Variants in DLG2 observed in about 807,000 individuals in gnomAD.
The protein encoded by DLG2 is disks large homolog 2.
Under a neutral mutation model 132.5 loss-of-function variants are expected in DLG2, and 45 were observed. The observed-to-expected ratio is 0.34, with a 90% CI of 0.27 to 0.44. The LOEUF (loss-of-function observed/expected upper bound fraction) is 0.44, where lower values mean the gene tolerates loss of function less well. Among genes scored for constraint, DLG2 ranks in the 20% least tolerant of loss-of-function variants. The probability of loss-of-function intolerance (pLI) is 1.00; values close to 1 mark genes in which losing one functional copy is unlikely to be tolerated. For synonymous variants in DLG2, 424 were observed against 419.6 expected, an observed-to-expected ratio of 1.01 and a Z score of -0.13; for missense variants, 1,045 against 1,196.9, an observed-to-expected ratio of 0.87 and a Z score of 1.87.
At chr11:84,926,591 G>A (rs2092986843) in intron 6 of DLG2, among the ~76,000 whole-genome samples, 1 of 151,890 alleles carries the variant, frequency 6.6e-6, no homozygotes, top group Admixed American at 6.6e-5. Flanking sequence ...GAGGTGTGGG[G>A]TGTGGGTGTG....
chr11:85,409,263 G>A (rs903143350), intron 3 of DLG2, among the ~76,000 whole-genome samples: 5 of 151,834 alleles, frequency 3.3e-5, no homozygotes, highest in African/African-American at 1.2e-4. Flanking sequence ...GAAAGCTTCA[G>A]GCCTTCTGAG....
At chr11:85,291,324 A>G (rs1170429171) in intron 3 of DLG2, among the ~76,000 whole-genome samples, 2 of 152,136 alleles carry the variant, frequency 1.3e-5, no homozygotes, top group East Asian at 3.9e-4. Flanking sequence ...TAACATCTTT[A>G]CATACTTTTT....
At chr11:83,707,607 G>C (rs1356256941) in intron 18 of DLG2, among the ~76,000 whole-genome samples, 1 of 152,218 alleles carries the variant, frequency 6.6e-6, no homozygotes, top group Non-Finnish European at 1.5e-5. Context: ...GGAGGCAGAG[G>C]TTGCAGTGAG....
chr11:84,332,199 T>C (rs2098463035), intron 7 of DLG2, among the ~76,000 whole-genome samples: 1 of 149,750 alleles, frequency 6.7e-6, no homozygotes, highest in East Asian at 1.9e-4. Flanking sequence ...ACCGCTTTGC[T>C]TGTCCTTTTT....
At chr11:84,301,183 G>A (rs368075781) in intron 7 of DLG2, among the ~76,000 whole-genome samples, 1 of 152,076 alleles carries the variant, frequency 6.6e-6, no homozygotes, top group Non-Finnish European at 1.5e-5. Flanking sequence ...TTAAAGAAAG[G>A]TAACCTACAT....
chr11:85,053,632 C>CAAAAAAAAAAAA (rs574119257), intron 6 of DLG2, among the ~76,000 whole-genome samples: 3 of 91,168 alleles, frequency 3.3e-5, no homozygotes, highest in African/African-American at 9.4e-5. Flanking sequence ...ACTAAAAATA[C>CAAAAAAAAAAAA]AAAAAAAAAA....
chr11:85,579,644 C>A (rs1196683204), intron 3 of DLG2, among the ~76,000 whole-genome samples: 1 of 152,114 alleles, frequency 6.6e-6, no homozygotes, highest in Non-Finnish European at 1.5e-5. Context: ...TATGGGGTAG[C>A]TTCAGGAGAA....
At chr11:84,498,890 T>C (rs1044762123) in intron 7 of DLG2, among the ~76,000 whole-genome samples, 3 of 152,000 alleles carry the variant, frequency 2.0e-5, no homozygotes, top group African/African-American at 7.3e-5. Context: ...GAGACTGGGG[T>C]TGGATGCAGG....
At chr11:84,770,252 C>G (rs1466238228) in intron 6 of DLG2, among the ~76,000 whole-genome samples, 1 of 152,192 alleles carries the variant, frequency 6.6e-6, no homozygotes, top group Non-Finnish European at 1.5e-5. Flanking sequence ...TGAGCAGATG[C>G]TGGTGTCATG....
chr11:85,177,229 GAATA>G (rs2079332740), intron 4 of DLG2, among the ~76,000 whole-genome samples: 2 of 150,520 alleles, frequency 1.3e-5, no homozygotes, highest in African/African-American at 2.4e-5. Context: ...ATGATAGACT[GAATA>G]AAGAAAATGT....
At chr11:84,883,009 C>T (rs1242201768) in intron 6 of DLG2, among the ~76,000 whole-genome samples, 7 of 152,182 alleles carry the variant, frequency 4.6e-5, no homozygotes, top group South Asian at 2.1e-4. Flanking sequence ...CACATGCACA[C>T]GTATGTTTAC....
intron 7 of DLG2, among the ~76,000 whole-genome samples, chr11:84,345,002 C>T (rs1283343719): frequency 6.6e-6 from 1 of 152,096 alleles, no homozygotes; most frequent in Non-Finnish European, 1.5e-5. Flanking sequence ...ACTTTTTAAT[C>T]CTTTGCAATG....
intron 3 of DLG2, among the ~76,000 whole-genome samples, chr11:85,538,440 C>CGG (rs1186327727): frequency 6.6e-6 from 1 of 151,854 alleles, no homozygotes; most frequent in Non-Finnish European, 1.5e-5. Context: ...GGTGATTCCT[C>CGG]AAAGACCTAG....
intron 4 of DLG2, among the ~76,000 whole-genome samples, chr11:85,216,910 G>A (rs538118596): frequency 6.6e-6 from 1 of 151,940 alleles, no homozygotes; most frequent in Non-Finnish European, 1.5e-5. Flanking sequence ...TGGCCAGGCT[G>A]GTCTTGAACT....
intron 8 of DLG2, among the ~76,000 whole-genome samples, chr11:84,191,117 A>G (rs950060027): frequency 1.3e-5 from 2 of 152,170 alleles, no homozygotes; most frequent in South Asian, 4.1e-4. Flanking sequence ...CCCTGACTCT[A>G]CTGCCTACCA....
At chr11:84,131,931 C>A (rs1289637051) in intron 9 of DLG2, among the ~76,000 whole-genome samples, 2 of 151,458 alleles carry the variant, frequency 1.3e-5, no homozygotes, top group East Asian at 3.9e-4. Flanking sequence ...TGAATATGAC[C>A]CTTCTTCTAC....
intron 21 of DLG2, among the ~76,000 whole-genome samples, chr11:83,531,977 C>T (rs2095758867): frequency 1.5e-5 from 2 of 137,424 alleles, no homozygotes; most frequent in East Asian, 2.5e-4. Flanking sequence ...TTAGTGGTTG[C>T]CTATGTTGGG....
At chr11:83,552,107 C>T (rs540220136) in intron 19 of DLG2, among the ~76,000 whole-genome samples, 136 of 152,052 alleles carry the variant, frequency 8.9e-4, no homozygotes, top group African/African-American at 2.8e-3. Context: ...TCTAGTAAAA[C>T]GAGATTGGCA....
At chr11:85,184,567 T>C (rs2079961606) in intron 4 of DLG2, among the ~76,000 whole-genome samples, 1 of 151,856 alleles carries the variant, frequency 6.6e-6, no homozygotes, top group African/African-American at 2.4e-5. Flanking sequence ...TAACTGTTAT[T>C]AGAACTGCCC....
Sources: allele counts gnomAD v4.1 joint callset (sites outside exome capture counted in the v4.1 genomes callset), GRCh38; gene constraint gnomAD v4.1.1; transcripts MANE v1.5; gene names NCBI Gene and HGNC (gene_info 2026-07-23, HGNC 2026-07-21).